SELENOT: variants seen among roughly 807,000 people sequenced by gnomAD.
SELENOT encodes thioredoxin reductase-like selenoprotein T.
Under a neutral mutation model 24.3 loss-of-function variants are expected in SELENOT, and 9 were observed. That is an observed-to-expected ratio of 0.37 (90% confidence interval 0.22 to 0.65). The LOEUF (loss-of-function observed/expected upper bound fraction) is 0.65, where lower values mean the gene tolerates loss of function less well. Among genes scored for constraint, SELENOT ranks in the 30% least tolerant of loss-of-function variants. SELENOT has a pLI of 0.60. For synonymous variants in SELENOT, 81 were observed against 86.0 expected (o/e 0.94, Z 0.32); for missense variants, 166 against 247.6 (o/e 0.67, Z 2.21).
chr3:150,626,982 T>TG (rs1559899691), intron 4 of SELENOT, 28 bp from the exon 5 acceptor site: 3 of 1,601,604 alleles, frequency 1.9e-6, no homozygotes, highest in African/African-American at 2.7e-5. Flanking sequence ...TTTAATTTTT[T>TG]GGGGGGCGGT....
In SELENOT at chr3:150,629,323, C is replaced by G. The variant is rs1331477037; in HGVS notation, c.*1694C>G. On this transcript the variant is annotated 3_prime_UTR_variant, in exon 6 of 6. Coordinates refer to ENST00000471696, the MANE Select transcript of SELENOT (RefSeq NM_016275.5). Reference sequence around the variant, plus strand: ...AAGTTCTTCATATAGTGACAAGAGTCCTTAGAGATTGTTATTCAAGTTCCT... The same window carrying G: ...AAGTTCTTCATATAGTGACAAGAGTGCTTAGAGATTGTTATTCAAGTTCCT... 1.3e-5 allele frequency: 2 copies of G among 152,520 alleles called. No homozygotes were observed. Among genetic ancestry groups the G allele is most frequent in the Non-Finnish European group, 2.9e-5 (2 of 68,014 alleles). 9.4% of individuals were successfully genotyped at this position (152,520 alleles called of 1,614,324 possible). A position where few individuals can be genotyped will look rare whatever the true frequency, so the allele number is the denominator to read the frequency against.
chr3:150,611,405 G>A (rs1726089136), intron 1 of SELENOT: 18 of 1,236,896 alleles, frequency 1.5e-5, no homozygotes, highest in Non-Finnish European at 1.9e-5. Flanking sequence ...GCTTTATTAA[G>A]TCCTGGTCTG....
At chr3:150,618,367 A>G (rs1726264843) in intron 1 of SELENOT, among the ~76,000 whole-genome samples, 1 of 152,212 alleles carries the variant, frequency 6.6e-6, no homozygotes, top group Non-Finnish European at 1.5e-5. Context: ...ACAAGTATTT[A>G]TTTTGTAACA....
chr3:150,612,098 C>T (rs1282885078), intron 1 of SELENOT, among the ~76,000 whole-genome samples: 21 of 144,904 alleles, frequency 1.4e-4, no homozygotes, highest in Admixed American at 1.1e-3. Context: ...GGGTCTTCAG[C>T]TTTTTTTTTT....
chr3:150,610,449 A>G lies in SELENOT; in HGVS notation c.137+6950A>G, dbSNP rs6798417. Among the ~76,000 whole-genome samples, 1,105 of 152,312 alleles carry G rather than the reference A, an allele frequency of 7.3e-3. 15 individuals carry two copies. The highest frequency in any genetic ancestry group is 0.025 in the African/African-American group (1,041 of 41,584). On this transcript the variant is annotated intron_variant, in intron 1 of 5. Coordinates refer to ENST00000471696, the MANE Select transcript of SELENOT (RefSeq NM_016275.5). Reference sequence around the variant, plus strand: ...ACAGTCTTAACATTTCAATCAGTCTATTAGACTGGGTTCATGTTTCATTAT... The same window carrying G: ...ACAGTCTTAACATTTCAATCAGTCTGTTAGACTGGGTTCATGTTTCATTAT...
In SELENOT at chr3:150,603,514, T is replaced by G. The variant is rs1226483679; in HGVS notation, c.137+15T>G. On this transcript the variant is annotated intron_variant, in intron 1 of 5. Transcript: ENST00000471696. ...TTCCAGATTTGGTGAGTATGTGCAC[T>G]GGGCCCCGGCCACCCCGCCGCGCCT... 7 of 1,569,006 alleles carry G rather than the reference T, an allele frequency of 4.5e-6. No homozygotes were observed. The South Asian group carries it at 7.9e-5, about 18-fold the overall frequency.
intron 1 of SELENOT, 94 bp from the exon 2 acceptor site, chr3:150,622,291 T>A: frequency 2.0e-6 from 1 of 504,734 alleles, no homozygotes. Flanking sequence ...TTGAGAAAAA[T>A]TTGTAATCTT....
chr3:150,610,414 G>GTCT (rs1350489510), intron 1 of SELENOT, among the ~76,000 whole-genome samples: 3 of 152,296 alleles, frequency 2.0e-5, no homozygotes, highest in African/African-American at 7.2e-5. Flanking sequence ...TTGCATCTTA[G>GTCT]TAACCAAAAA....
intron 1 of SELENOT, chr3:150,603,711 C>A: frequency 2.1e-6 from 1 of 479,424 alleles, no homozygotes. Context: ...TTGTTTTTTG[C>A]CTCCTAGAAC....
chr3:150,603,857 T>C (rs1725899857), intron 1 of SELENOT, among the ~76,000 whole-genome samples: 1 of 152,174 alleles, frequency 6.6e-6, no homozygotes, highest in South Asian at 2.1e-4. Flanking sequence ...TGGGGATGAG[T>C]AGGCGCCGCG....
At chr3:150,622,830 A>G (rs760227423) in intron 2 of SELENOT, among the ~76,000 whole-genome samples, 1 of 152,206 alleles carries the variant, frequency 6.6e-6, no homozygotes, top group Non-Finnish European at 1.5e-5. Context: ...TTAAAGACCA[A>G]TTCTGTATAA....
intron 4 of SELENOT, among the ~76,000 whole-genome samples, chr3:150,625,965 G>T (rs1726433465): frequency 6.6e-6 from 1 of 151,440 alleles, no homozygotes; most frequent in Non-Finnish European, 1.5e-5. Context: ...TGCCTCCCAG[G>T]TTCACGCCAT....
At chr3:150,613,186 G>T (rs917555656) in intron 1 of SELENOT, among the ~76,000 whole-genome samples, 1 of 152,162 alleles carries the variant, frequency 6.6e-6, no homozygotes, top group Admixed American at 6.5e-5. Flanking sequence ...CACTGTCAAG[G>T]TGCTGGCATT....
In SELENOT at chr3:150,603,327, T is replaced by C. The variant is rs1725885140; in HGVS notation, c.-36T>C. On this transcript the variant is annotated 5_prime_UTR_variant, in exon 1 of 6. Transcript: ENST00000471696. Reference sequence around the variant, plus strand: ...CCTGGGCTTTGGGCTGGCTGCAGTCTGTCTGAGGGCGGCCGAAGTGGCTGG... The same window carrying C: ...CCTGGGCTTTGGGCTGGCTGCAGTCCGTCTGAGGGCGGCCGAAGTGGCTGG... 6.9e-6 allele frequency: 11 copies of C among 1,593,708 alleles called. No individual in the cohort carries two copies. The highest frequency in any genetic ancestry group is 1.1e-5 in the South Asian group (1 of 89,880).
chr3:150,610,582 C>T (rs1217240448), intron 1 of SELENOT, among the ~76,000 whole-genome samples: 1 of 152,106 alleles, frequency 6.6e-6, no homozygotes, highest in Non-Finnish European at 1.5e-5. Context: ...TCTTTCTCTC[C>T]TTGCTCTTTA....
At position 150,611,756 on chromosome 3, in the gene SELENOT, C is replaced by T. The variant is rs531082119; in HGVS notation, c.137+8257C>T. On this transcript the variant is annotated intron_variant, in intron 1 of 5. Coordinates refer to ENST00000471696, the MANE Select transcript of SELENOT (RefSeq NM_016275.5). ...GCCCGGCCTGGCCGCCCCCAGGGGC[C>T]CAGCCGCTGAGACCGCCCCTGCGCC... 3 of 1,383,920 alleles carry T rather than the reference C, an allele frequency of 2.2e-6. No homozygotes were observed. The South Asian group carries it at 3.6e-5, about 16-fold the overall frequency. 85.7% of individuals were successfully genotyped at this position (1,383,920 alleles called of 1,614,324 possible). A position where few individuals can be genotyped will look rare whatever the true frequency, so the allele number is the denominator to read the frequency against.
At chr3:150,626,884 GC>G in intron 4 of SELENOT, 125 bp from the exon 5 acceptor site, 1 of 826,464 alleles carries the variant, frequency 1.2e-6, no homozygotes. Flanking sequence ...CTGAGAGCAA[GC>G]AGTGTACTTT....
chr3:150,628,925 T>G lies in SELENOT; in HGVS notation c.*1296T>G, dbSNP rs558297189. 6.6e-6 allele frequency: 1 copy of G among 152,278 alleles called. No homozygotes were observed. The highest frequency in any genetic ancestry group is 2.4e-5 in the African/African-American group (1 of 41,558). The allele number at this position is 152,278 out of a possible 1,614,324, so 9.4% of individuals were successfully genotyped here. On this transcript the variant is annotated 3_prime_UTR_variant, in exon 6 of 6. Coordinates refer to ENST00000471696, the MANE Select transcript of SELENOT (RefSeq NM_016275.5). ...CCAAAAATGCTTGGGACAAGAAGTA[T>G]TTCAGATTTCATAATTTTTTTCAAA...
intron 4 of SELENOT, among the ~76,000 whole-genome samples, chr3:150,625,175 C>G (rs1406158820): frequency 6.6e-6 from 1 of 151,750 alleles, no homozygotes; most frequent in Non-Finnish European, 1.5e-5. Context: ...CAGATTGTCT[C>G]TGTGAACTTT....
Sources: gnomAD v4.1 joint callset for allele counts (sites outside exome capture counted in the v4.1 genomes callset) on GRCh38, gnomAD v4.1.1 for gene constraint, MANE v1.5 for transcripts, NCBI Gene and HGNC (gene_info 2026-07-23, HGNC 2026-07-21) for gene names.